The following CSGALNACT2 variants were observed in gnomAD, a reference collection of about 807,000 sequenced individuals.
The protein encoded by CSGALNACT2 is chondroitin sulfate N-acetylgalactosaminyltransferase 2.
A neutral mutation model predicts 55.3 loss-of-function variants in CSGALNACT2; 35 were observed. The ratio of observed to expected loss-of-function variants is 0.63; its 90% CI spans 0.48 to 0.84. The LOEUF (loss-of-function observed/expected upper bound fraction) is 0.84. Ranked by LOEUF, CSGALNACT2 falls within the 40% of genes least tolerant of loss-of-function variation. CSGALNACT2 has a pLI of 0.00. For missense variants in CSGALNACT2, 544 were observed against 657.5 expected (o/e 0.83, Z 1.89); for synonymous variants, 196 against 224.9 (o/e 0.87, Z 1.15).
At chr10:43,175,558 C>T (rs1370102576) in intron 6 of CSGALNACT2, among the ~76,000 whole-genome samples, 1 of 152,120 alleles carries the variant, frequency 6.6e-6, no homozygotes, top group Admixed American at 6.5e-5. Flanking sequence ...TCATGGGCTG[C>T]CCAGGGCCAG....
intron 1 of CSGALNACT2, among the ~76,000 whole-genome samples, chr10:43,145,630 C>A (rs1838731006): frequency 6.6e-6 from 1 of 152,016 alleles, no homozygotes; most frequent in Non-Finnish European, 1.5e-5. Flanking sequence ...CCAGGCTGAT[C>A]TCAAATTCTG....
In CSGALNACT2 at chr10:43,184,716, AAG is replaced by A. The variant is rs1194523482; in HGVS notation, c.*1176_*1177del. On this transcript the variant is annotated 3_prime_UTR_variant, in exon 8 of 8. Coordinates refer to ENST00000374466, the MANE Select transcript of CSGALNACT2 (RefSeq NM_018590.5). ...TATAAATTAATGAGACAAAGTGAAA[AAG>A]AAATTATATTCAGATAGGACTGCAC... 4 of 152,214 alleles carry A rather than the reference AAG, an allele frequency of 2.6e-5. No homozygotes were observed. Among genetic ancestry groups the A allele is most frequent in the East Asian group, 1.9e-4 (1 of 5,200 alleles). The allele number at this position is 152,214 out of a possible 1,614,324, so 9.4% of individuals were successfully genotyped here. A position where few individuals can be genotyped will look rare whatever the true frequency, so the allele number is the denominator to read the frequency against.
intron 4 of CSGALNACT2, chr10:43,162,992 T>G: frequency 2.0e-6 from 2 of 985,398 alleles, no homozygotes; most frequent in Non-Finnish European, 2.4e-6. Flanking sequence ...GTTCCCATTT[T>G]AAGATTCCGT....
At position 43,152,863 on chromosome 10, in the gene CSGALNACT2, G is replaced by A. The variant is rs182241049; in HGVS notation, c.-253-2034G>A. On this transcript the variant is annotated intron_variant, in intron 1 of 7. Transcript: ENST00000374466. The stretch of plus-strand genomic sequence containing the variant: ...GCTAGTAATAGTTAAAACAGATACC[G>A]CTAGGTTTATCTTTTAAATAATGAA... 3.4e-3 allele frequency among the ~76,000 whole-genome samples: 521 copies of A among 152,134 alleles called. 2 individuals are homozygous for A. The highest frequency in any genetic ancestry group is 6.3e-3 in the Non-Finnish European group (431 of 67,988).
At chr10:43,164,845 C>CAAAAA (rs762322937) in intron 5 of CSGALNACT2, among the ~76,000 whole-genome samples, 14 of 68,484 alleles carry the variant, frequency 2.0e-4, no homozygotes, top group Non-Finnish European at 3.4e-4. Flanking sequence ...GACTCCATCT[C>CAAAAA]AAAAAAAAAA....
chr10:43,156,296 T>A (rs1839007509), intron 2 of CSGALNACT2, among the ~76,000 whole-genome samples: 1 of 152,246 alleles, frequency 6.6e-6, no homozygotes, highest in Admixed American at 6.5e-5. Flanking sequence ...AAAGCACATT[T>A]GGCATTTGGA....
chr10:43,164,117 A>G (rs1839210485), intron 5 of CSGALNACT2, 73 bp downstream of exon 5: 1 of 1,284,916 alleles, frequency 7.8e-7, no homozygotes, highest in Admixed American at 2.6e-5. Flanking sequence ...AGTTTGAATC[A>G]AGTGATTTTG....
rs891006566 is a variant in CSGALNACT2 at position 43,168,249 on chromosome 10, G to A, written c.1254+1151G>A. 5.2e-4 allele frequency among the ~76,000 whole-genome samples: 79 copies of A among 152,076 alleles called. 1 individual carries two copies. The highest frequency in any genetic ancestry group is 1.8e-3 in the African/African-American group (76 of 41,404). ...GGGTGGATCACAAGGTCAGGAGTTC[G>A]AGACCAGCATGGCCAATATGGTGAA... On this transcript the variant is annotated intron_variant, in intron 6 of 7. Coordinates refer to ENST00000374466, the MANE Select transcript of CSGALNACT2 (RefSeq NM_018590.5).
chr10:43,166,783 TTTG>T (rs1425672235), intron 5 of CSGALNACT2, among the ~76,000 whole-genome samples: 5 of 152,328 alleles, frequency 3.3e-5, no homozygotes, highest in African/African-American at 1.2e-4. Flanking sequence ...CACCCTTTAG[TTTG>T]TTTTTTCCTC....
intron 2 of CSGALNACT2, among the ~76,000 whole-genome samples, chr10:43,157,801 T>C (rs1206888221): frequency 6.6e-6 from 1 of 151,958 alleles, no homozygotes; most frequent in Non-Finnish European, 1.5e-5. Context: ...GAGGCCGAGG[T>C]GGGCAGATTA....
At chr10:43,149,629 A>G (rs965083169) in intron 1 of CSGALNACT2, among the ~76,000 whole-genome samples, 1 of 152,120 alleles carries the variant, frequency 6.6e-6, no homozygotes, top group African/African-American at 2.4e-5. Flanking sequence ...TTGTATTTAT[A>G]TTCATATAGG....
Position 43,155,514 on chromosome 10 carries a change from A to G in CSGALNACT2, c.365A>G (p.Glu122Gly), listed in dbSNP as rs1171531728. 1 of 1,614,114 alleles carries G rather than the reference A, an allele frequency of 6.2e-7. No individual in the cohort carries two copies. Among genetic ancestry groups the G allele is most frequent in the Non-Finnish European group, 8.5e-7 (1 of 1,180,046 alleles). Residue 122 changes from glutamate (E) to glycine (G), a missense_variant, in exon 2 of 8, where the codon GAG becomes GGG. Glu to Gly is a moderately conservative substitution (Grantham distance 98). Around this residue, in one of 2 missense-constraint regions of CSGALNACT2, gnomAD observed 374 missense variants for 401.3 expected, o/e 0.93. Transcript: ENST00000374466. The part of the protein sequence containing the change: ...NKEQAPSDLL[E>G]FLHSQIDKAE... ...GAGCAAGCACCTAGTGATCTTTTAG[A>G]GTTTCTTCATTCCCAAATTGACAAA...
intron 7 of CSGALNACT2, among the ~76,000 whole-genome samples, chr10:43,176,911 A>G (rs866388182): frequency 6.6e-6 from 1 of 152,210 alleles, no homozygotes; most frequent in South Asian, 2.1e-4. Context: ...GTCAAAGAAT[A>G]GTTTAATAAA....
intron 6 of CSGALNACT2, among the ~76,000 whole-genome samples, chr10:43,167,370 C>A (rs1373643069): frequency 0.012 from 1,776 of 152,146 alleles, 37 homozygotes; most frequent in African/African-American, 0.04. Context: ...GGAAATTGTA[C>A]AGTCATTTCT....
chr10:43,163,464 A>C, intron 4 of CSGALNACT2: 2 of 961,094 alleles, frequency 2.1e-6, no homozygotes, highest in Non-Finnish European at 2.5e-6. Flanking sequence ...GATCCCTCTG[A>C]TAAGGCGACA....
intron 1 of CSGALNACT2, among the ~76,000 whole-genome samples, chr10:43,148,157 C>A (rs1426293050): frequency 6.6e-6 from 1 of 152,126 alleles, no homozygotes; most frequent in African/African-American, 2.4e-5. Context: ...ACTATTCTTT[C>A]TCCCATTGAA....
chr10:43,159,632 TACAA>T (rs999331065), intron 3 of CSGALNACT2, among the ~76,000 whole-genome samples: 2 of 149,866 alleles, frequency 1.3e-5, no homozygotes, highest in Non-Finnish European at 2.9e-5. Flanking sequence ...CATTTAGACA[TACAA>T]ACATTAAACT....
At chr10:43,144,621 T>C (rs1260187885) in intron 1 of CSGALNACT2, among the ~76,000 whole-genome samples, 1 of 152,210 alleles carries the variant, frequency 6.6e-6, no homozygotes, top group Non-Finnish European at 1.5e-5. Flanking sequence ...TGAATCTGAC[T>C]TGGCTTTATT....
chr10:43,155,879 G>A (rs1838996870), intron 2 of CSGALNACT2, 69 bp downstream of exon 2: 3 of 1,220,160 alleles, frequency 2.5e-6, no homozygotes, highest in Admixed American at 2.2e-5. Flanking sequence ...TGCTGGTATT[G>A]TATTGTAGTA....
Sources: gnomAD v4.1 joint callset for allele counts (sites outside exome capture counted in the v4.1 genomes callset) on GRCh38, gnomAD v4.1.1 for gene constraint, gnomAD v4.1.1 regional missense constraint, MANE v1.5 for transcripts, NCBI Gene and HGNC (gene_info 2026-07-23, HGNC 2026-07-21) for gene names.